The following ABCC6 variants were observed in gnomAD, a reference collection of about 807,000 sequenced individuals.
The protein encoded by ABCC6 is ATP binding cassette subfamily C member 6.
In ABCC6, 126 loss-of-function variants were observed where a neutral mutation model predicts 169.5. The observed-to-expected ratio is 0.74, with a 90% CI of 0.64 to 0.86. ABCC6 has a LOEUF of 0.86. Ranked by LOEUF, ABCC6 falls within the 40% of genes least tolerant of loss-of-function variation. The pLI is 0.00. For synonymous variants in ABCC6, 752 were observed against 814.7 expected (o/e 0.92, Z 1.31); for missense variants, 1,733 against 1,927.2 (o/e 0.90, Z 1.89).
chr16:16,201,403 G>T (rs955550139), intron 9 of ABCC6, among the ~76,000 whole-genome samples: 1 of 152,200 alleles, frequency 6.6e-6, no homozygotes. Context: ...ATTAGATTGG[G>T]GGAGTAGAAG....
rs1290502451 is a variant in ABCC6, at chr16:16,178,824, C to T, written c.2389G>A (p.Gly797Arg). The T allele has an allele frequency of 6.2e-7, 1 of 1,613,864 alleles. No individual in the cohort carries two copies. The highest frequency in any genetic ancestry group is 1.7e-5 in the Admixed American group (1 of 60,028). The change falls in exon 18 of 31, where the codon GGG becomes AGG. Residue 797 changes from glycine to arginine, a missense_variant. Gly to Arg is a moderately radical substitution (Grantham distance 125, BLOSUM62 -2). This residue lies in a region of ABCC6 where 1,601 missense variants were observed against 1,635.5 expected (regional missense o/e 0.98). Coordinates refer to ENST00000205557, the MANE Select transcript of ABCC6 (RefSeq NM_001171.6). ...GTTCCCTGGAGTAGTCCACCAGGCC[C>T]AATGACCTGGTTGAAGACATGCTGG... ...VGQHVFNQVIGPGGLLQGTTR... is the reference protein window; with the variant it reads ...VGQHVFNQVIRPGGLLQGTTR...
At chr16:16,155,208 A>T in intron 27 of ABCC6, 177 bp from the exon 28 acceptor site, 1 of 708,144 alleles carries the variant, frequency 1.4e-6, no homozygotes, top group Admixed American at 2.8e-5. Context: ...CAATCCATCC[A>T]GTCTTCCATC....
Position 16,157,740 on chromosome 16 carries a change from C to A in ABCC6, c.3805G>T (p.Asp1269Tyr). The A allele has an allele frequency of 6.2e-7, 1 of 1,613,994 alleles. No individual in the cohort carries two copies. The highest frequency in any genetic ancestry group is 8.5e-7 in the Non-Finnish European group (1 of 1,179,972). ...TCAGGTCGGTATCTTAGCCCAAAGTCCCGGAACTCGATCTGCCCGCCCTGA... is the reference window on the plus strand; with the variant it reads ...TCAGGTCGGTATCTTAGCCCAAAGTACCGGAACTCGATCTGCCCGCCCTGA... ...WPQGGQIEFR[D>Y]FGLRYRPELP... is the part of the protein sequence containing the mutation. Residue 1269 changes from aspartate (D) to tyrosine (Y), a missense_variant, in exon 27 of 31, where the codon GAC (aspartate) becomes TAC (tyrosine). Asp to Tyr is a radical substitution (Grantham distance 160). This residue lies in a region of ABCC6 where 1,601 missense variants were observed against 1,635.5 expected (regional missense o/e 0.98). Transcript: ENST00000205557.
chr16:16,188,173 G>A lies in ABCC6; in HGVS notation c.1779+658C>T, dbSNP rs150556259. Among the ~76,000 whole-genome samples, 1,333 of 150,716 alleles carry A rather than the reference G, an allele frequency of 8.8e-3. 18 individuals carry two copies. Among genetic ancestry groups the A allele is most frequent in the African/African-American group, 0.031 (1,255 of 40,964 alleles). ...GGTGGGCAGATCACCTGAGGTCAGC[G>A]GTTCAAGACCTGCCTGGCCAACATG... On this transcript the variant is annotated intron_variant, in intron 13 of 30. Transcript: ENST00000205557.
At chr16:16,160,628 C>CAAA (rs34511090) in intron 25 of ABCC6, among the ~76,000 whole-genome samples, 3,925 of 76,308 alleles carry the variant, frequency 0.051, 471 homozygotes, top group East Asian at 0.1. Context: ...CTGTTTCTAC[C>CAAA]AAAAAAAAAA....
At position 16,188,972 on chromosome 16, in the gene ABCC6, G is replaced by T; in HGVS notation, c.1638C>A (p.Val546=). 6.2e-7 allele frequency: 1 copy of T among 1,613,840 alleles called. No individual in the cohort carries two copies. Among genetic ancestry groups the T allele is most frequent in the Non-Finnish European group, 8.5e-7 (1 of 1,180,018 alleles). ...TGTGGACAGCAAACACCACCAGTGC[G>T]ACCTGGGGGGTGGGGGGGACACGTG... ...LVSFQVSTFL[V]ALVVFAVHTL... is the part of the protein sequence containing the mutation. The change falls in exon 13 of 31, where the codon GTC becomes GTA. Residue 546 remains valine (V), a splice_region_variant and synonymous_variant. Coordinates refer to ENST00000205557, the MANE Select transcript of ABCC6 (RefSeq NM_001171.6).
Position 16,177,541 on chromosome 16 carries a change from A to T in ABCC6, c.2501T>A (p.Met834Lys). The change falls in exon 19 of 31, where the codon ATG (methionine) becomes AAG (lysine). Residue 834 changes from methionine (M) to lysine (K), a missense_variant. Physicochemically the swap from Met to Lys is moderately conservative, Grantham distance 95. This residue lies in a region of ABCC6 where 1,601 missense variants were observed against 1,635.5 expected (regional missense o/e 0.98). Coordinates refer to ENST00000205557, the MANE Select transcript of ABCC6 (RefSeq NM_001171.6). ...CTGCAGAAGCTCCTGGTAGGAACCCATCTCTGCGATGGCCCCATTTGCCAG... is the reference window on the plus strand; with the variant it reads ...CTGCAGAAGCTCCTGGTAGGAACCCTTCTCTGCGATGGCCCCATTTGCCAG... ...IVLANGAIAEMGSYQELLQRK... is the reference protein window; with the variant it reads ...IVLANGAIAEKGSYQELLQRK... 6.2e-7 allele frequency: 1 copy of T among 1,614,224 alleles called. No homozygotes were observed. The highest frequency in any genetic ancestry group is 1.1e-5 in the South Asian group (1 of 91,090).
chr16:16,174,340 T>C (rs1393958901), intron 20 of ABCC6, among the ~76,000 whole-genome samples: 1 of 152,240 alleles, frequency 6.6e-6, no homozygotes, highest in Non-Finnish European at 1.5e-5. Context: ...ACCTCACTTC[T>C]GTTTTCTGTC....
chr16:16,196,263 T>C (rs1055818497), intron 10 of ABCC6, among the ~76,000 whole-genome samples: 3 of 151,380 alleles, frequency 2.0e-5, no homozygotes, highest in African/African-American at 7.3e-5. Context: ...GAAAATGATA[T>C]GCACTTCAAA....
chr16:16,153,031 C>T (rs1163850745), intron 29 of ABCC6, among the ~76,000 whole-genome samples: 3 of 151,948 alleles, frequency 2.0e-5, no homozygotes, highest in Non-Finnish European at 2.9e-5. Flanking sequence ...TAGCCTCCCA[C>T]GTAACTGGGA....
At position 16,150,285 on chromosome 16, in the gene ABCC6, C is replaced by T. The variant is rs774984323; in HGVS notation, c.4404-44G>A. The T allele has an allele frequency of 1.9e-6, 3 of 1,612,384 alleles. No homozygotes were observed. In the East Asian group the frequency reaches 6.7e-5, roughly 36 times the overall value. On this transcript the variant is annotated intron_variant, in intron 30 of 30. Coordinates refer to ENST00000205557, the MANE Select transcript of ABCC6 (RefSeq NM_001171.6). The stretch of plus-strand genomic sequence containing the variant: ...CAGAGAGGCTCTTTGGACACCAGCC[C>T]AGGCTCTCGGCAGCTGTGAGAGCCC...
In ABCC6 at chr16:16,206,347, G is replaced by A. The variant is rs144396364; in HGVS notation, c.794+2381C>T. On this transcript the variant is annotated intron_variant, in intron 7 of 30. Coordinates refer to ENST00000205557, the MANE Select transcript of ABCC6 (RefSeq NM_001171.6). ...GATACAAAAGGGAGTGGTGGAGGCC[G>A]GGCACGGTGGCTCACACCTGTAATC... 2.0e-3 allele frequency among the ~76,000 whole-genome samples: 309 copies of A among 152,212 alleles called. 1 individual carries two copies. Among genetic ancestry groups the A allele is most frequent in the African/African-American group, 7.0e-3 (290 of 41,550 alleles).
At chr16:16,182,623 A>T (rs2047515173) in intron 16 of ABCC6, 35 bp from the exon 17 acceptor site, 1 of 1,598,176 alleles carries the variant, frequency 6.3e-7, no homozygotes, top group South Asian at 1.1e-5. Flanking sequence ...CAGGAGGATG[A>T]TGGGGACAGA....
At chr16:16,221,276 A>G (rs2049061306) in intron 2 of ABCC6, 4 of 1,272,394 alleles carry the variant, frequency 3.1e-6, no homozygotes, top group Non-Finnish European at 3.0e-6. Context: ...CAGTGGGGGA[A>G]CATAAAAATA....
rs758506257 is a variant in ABCC6, at chr16:16,161,553, GC to G, written c.3517del (p.Ala1173ProfsTer20). ...GCCATTCCCCAGGAGCTCCACATTGGCCGCAAGCCACCTGCAAAGGGAAGCG... is the reference window on the plus strand; with the variant it reads ...GCCATTCCCCAGGAGCTCCACATTGGCGCAAGCCACCTGCAAAGGGAAGCG... ...PRLVADRWLA[A>X]NVELLGNGLV... On this transcript the variant is annotated frameshift_variant, in exon 25 of 31. Coordinates refer to ENST00000205557, the MANE Select transcript of ABCC6 (RefSeq NM_001171.6). LOFTEE classifies it high-confidence loss of function. The G allele has an allele frequency of 6.2e-7, 1 of 1,613,918 alleles. No homozygotes were observed. Among genetic ancestry groups the G allele is most frequent in the South Asian group, 1.1e-5 (1 of 91,088 alleles).
chr16:16,158,613 T>C (rs1338017731), intron 26 of ABCC6, among the ~76,000 whole-genome samples: 2 of 152,258 alleles, frequency 1.3e-5, no homozygotes, highest in Admixed American at 6.5e-5. Context: ...CATTATATCA[T>C]GTTGCTGTTT....
chr16:16,193,948 G>A (rs540596379), intron 10 of ABCC6, among the ~76,000 whole-genome samples: 1 of 152,354 alleles, frequency 6.6e-6, no homozygotes, highest in African/African-American at 2.4e-5. Context: ...TGTGTCAGGA[G>A]ATGCCTGCTG....
At chr16:16,209,762 G>A (rs1268616243) in intron 6 of ABCC6, among the ~76,000 whole-genome samples, 1 of 151,896 alleles carries the variant, frequency 6.6e-6, no homozygotes, top group Non-Finnish European at 1.5e-5. Context: ...CATCACACCT[G>A]GCTAATTTTT....
At chr16:16,181,081 A>G (rs1283514992) in intron 17 of ABCC6, among the ~76,000 whole-genome samples, 3 of 152,120 alleles carry the variant, frequency 2.0e-5, no homozygotes, top group African/African-American at 7.2e-5. Context: ...AGCTGGGTGG[A>G]TCACTTGAGG....
Sources: gnomAD v4.1 joint callset for allele counts (sites outside exome capture counted in the v4.1 genomes callset) on GRCh38, gnomAD v4.1.1 for gene constraint, gnomAD v4.1.1 regional missense constraint, MANE v1.5 for transcripts, NCBI Gene and HGNC (gene_info 2026-07-23, HGNC 2026-07-21) for gene names.